The following ZNF114 variants were observed in gnomAD, a reference collection of about 807,000 sequenced individuals.
ZNF114 encodes zinc finger protein 114.
A neutral mutation model predicts 6.8 loss-of-function variants in ZNF114; 8 were observed. That is an observed-to-expected ratio of 1.18 (90% CI 0.69 to 2.13). ZNF114 has a LOEUF of 2.13. ZNF114 is among the 30% of genes most tolerant of loss of function. The probability of loss-of-function intolerance (pLI) is 0.00; values close to 1 mark genes in which losing one functional copy is unlikely to be tolerated. For synonymous variants in ZNF114, 169 were observed against 185.5 expected, an observed-to-expected ratio of 0.91 and a Z score of 0.72; for missense variants, 472 against 519.5, an observed-to-expected ratio of 0.91 and a Z score of 0.89.
intron 3 of ZNF114, 66 bp from the exon 4 acceptor site, chr19:48,279,665 G>A: frequency 9.1e-7 from 1 of 1,097,474 alleles, no homozygotes; most frequent in Non-Finnish European, 1.4e-6. Flanking sequence ...ATGTCAGGCA[G>A]GATCCACATA....
intron 3 of ZNF114, among the ~76,000 whole-genome samples, chr19:48,274,314 A>G (rs920845791): frequency 2.0e-5 from 3 of 151,566 alleles, no homozygotes; most frequent in African/African-American, 2.4e-5. Context: ...TTTCTTCCAA[A>G]TATCATGTAA....
intron 3 of ZNF114, among the ~76,000 whole-genome samples, chr19:48,278,874 C>T (rs552792569): frequency 1.3e-5 from 2 of 151,982 alleles, no homozygotes; most frequent in African/African-American, 4.8e-5. Flanking sequence ...ACCAGGGAGG[C>T]GGAAGCTGCA....
chr19:48,280,365 C>T (rs1456126206), intron 4 of ZNF114, among the ~76,000 whole-genome samples: 1 of 151,948 alleles, frequency 6.6e-6, no homozygotes, highest in Non-Finnish European at 1.5e-5. Context: ...GCCTGGGTGA[C>T]AGAGTAAGAC....
rs200721350 is a variant in ZNF114 at position 48,286,485 on chromosome 19, C to T, written c.861C>T (p.Asn287=). 1.1e-5 allele frequency: 18 copies of T among 1,614,048 alleles called. No individual in the cohort carries two copies. Among genetic ancestry groups the T allele is most frequent in the African/African-American group, 2.7e-5 (2 of 74,938 alleles). Residue 287 remains asparagine (N), a synonymous_variant, in exon 6 of 6, where the codon AAC becomes AAT. Transcript: ENST00000595607. ...KDCQTGATSA[N]APNSGSHKSH... is the part of the protein sequence containing the mutation. ...GTCAAACTGGGGCAACCTCTGCCAA[C>T]GCTCCAAATTCCGGTTCACACAAGA...
In ZNF114 at chr19:48,285,842, G is replaced by A; in HGVS notation, c.218G>A (p.Arg73Lys). ...AAAAGAACATTTCCTGAAGCCAACAGAGTGTGTCTCACGAGCATCAGTTCC... is the reference window on the plus strand; with the variant it reads ...AAAAGAACATTTCCTGAAGCCAACAAAGTGTGTCTCACGAGCATCAGTTCC... ...LPKRTFPEAN[R>K]VCLTSISSQH... Residue 73 changes from arginine to lysine, a missense_variant, in exon 6 of 6, where the codon AGA (arginine) becomes AAA (lysine). Transcript: ENST00000595607. 6.2e-7 allele frequency: 1 copy of A among 1,614,176 alleles called. No homozygotes were observed. The highest frequency in any genetic ancestry group is 8.5e-7 in the Non-Finnish European group (1 of 1,180,034).
At chr19:48,277,083 C>T (rs921664211) in intron 3 of ZNF114, among the ~76,000 whole-genome samples, 1 of 152,138 alleles carries the variant, frequency 6.6e-6, no homozygotes, top group African/African-American at 2.4e-5. Flanking sequence ...ATTGCTTGAA[C>T]CCAGGAGGTG....
rs116661115 is a variant in ZNF114 at position 48,281,413 on chromosome 19, G to A, written c.10-958G>A. Reference sequence around the variant, plus strand: ...TCACTGGCGTCCTTGGCATTCCCTGGCTTGTGGACCCATCACTCCAGTCTC... The same window carrying A: ...TCACTGGCGTCCTTGGCATTCCCTGACTTGTGGACCCATCACTCCAGTCTC... On this transcript the variant is annotated intron_variant, in intron 4 of 5. Coordinates refer to ENST00000595607, the MANE Select transcript of ZNF114 (RefSeq NM_153608.4). 6.6e-3 allele frequency: 998 copies of A among 151,862 alleles called. 17 individuals carry two copies. Among genetic ancestry groups the A allele is most frequent in the African/African-American group, 0.023 (953 of 41,362 alleles). The allele number at this position is 151,862 out of a possible 1,614,324, so 9.4% of individuals were successfully genotyped here.
intron 5 of ZNF114, among the ~76,000 whole-genome samples, chr19:48,283,757 G>C (rs907166303): frequency 6.6e-6 from 1 of 151,438 alleles, no homozygotes; most frequent in Admixed American, 6.6e-5. Flanking sequence ...TTTTGAGACT[G>C]TGTTTCACTC....
At chr19:48,273,468 C>G (rs1310468760) in intron 3 of ZNF114, among the ~76,000 whole-genome samples, 1 of 143,420 alleles carries the variant, frequency 7.0e-6, no homozygotes, top group African/African-American at 2.6e-5. Context: ...GCTGATGTGT[C>G]TGAGGTTACT....
At chr19:48,273,235 C>T (rs1024034025) in intron 3 of ZNF114, among the ~76,000 whole-genome samples, 3 of 152,054 alleles carry the variant, frequency 2.0e-5, no homozygotes, top group African/African-American at 7.2e-5. Flanking sequence ...ACCCCACGGT[C>T]GGAACAAGAT....
intron 3 of ZNF114, among the ~76,000 whole-genome samples, chr19:48,272,616 G>T (rs1967694029): frequency 7.9e-6 from 1 of 126,528 alleles, no homozygotes; most frequent in Non-Finnish European, 1.6e-5. Context: ...GAAGGTTGCA[G>T]TGAGCCGAGA....
chr19:48,286,556 G>T lies in ZNF114; in HGVS notation c.932G>T (p.Arg311Ile). 1 of 1,614,144 alleles carries T rather than the reference G, an allele frequency of 6.2e-7. No homozygotes were observed. The highest frequency in any genetic ancestry group is 8.5e-7 in the Non-Finnish European group (1 of 1,180,038). The stretch of plus-strand genomic sequence containing the variant: ...ACCCATAAATGCCCCGAATGTGGGA[G>T]AGCCTTTTTTTATCAGTCATTCCTT... ...EKTHKCPECG[R>I]AFFYQSFLMR... Residue 311 changes from arginine (R) to isoleucine (I), a missense_variant, in exon 6 of 6, where the codon AGA becomes ATA. Arg to Ile is a moderately conservative substitution (Grantham distance 97, BLOSUM62 -3). Coordinates refer to ENST00000595607, the MANE Select transcript of ZNF114 (RefSeq NM_153608.4).
In ZNF114 at chr19:48,272,820, G is replaced by T. The variant is rs1184738489; in HGVS notation, c.-70+992G>T. 2.8e-5 allele frequency among the ~76,000 whole-genome samples: 4 copies of T among 140,568 alleles called. 1 individual carries two copies. Among genetic ancestry groups the T allele is most frequent in the African/African-American group, 1.1e-4 (4 of 38,088 alleles). 92.2% of individuals were successfully genotyped at this position (140,568 alleles called of 152,430 possible). On this transcript the variant is annotated intron_variant, in intron 3 of 5. Coordinates refer to ENST00000595607, the MANE Select transcript of ZNF114 (RefSeq NM_153608.4). ...TTTTTTTTTTTTTTTTTTTGAGAGG[G>T]AGTCTCGCTCTGTCACCCAGGCTGG...
At chr19:48,279,671 A>C in intron 3 of ZNF114, 60 bp from the exon 4 acceptor site, 1 of 1,169,726 alleles carries the variant, frequency 8.5e-7, no homozygotes, top group Non-Finnish European at 1.3e-6. Context: ...GGCAGGATCC[A>C]CATACGAGTG....
chr19:48,286,960 T>A lies in ZNF114; in HGVS notation c.*82T>A, dbSNP rs985165162. The stretch of plus-strand genomic sequence containing the variant: ...ACATATTGGAAGGGAGCTCAAGGGG[T>A]TAGCATGAGTGAGAACATCTTCCCT... On this transcript the variant is annotated 3_prime_UTR_variant, in exon 6 of 6. Coordinates refer to ENST00000595607, the MANE Select transcript of ZNF114 (RefSeq NM_153608.4). 7.1e-7 allele frequency: 1 copy of A among 1,409,290 alleles called. No individual in the cohort carries two copies. The highest frequency in any genetic ancestry group is 9.5e-7 in the Non-Finnish European group (1 of 1,054,680). 87.3% of individuals were successfully genotyped at this position (1,409,290 alleles called of 1,614,324 possible).
chr19:48,285,631 G>A, intron 5 of ZNF114, 130 bp from the exon 6 acceptor site: 2 of 1,003,516 alleles, frequency 2.0e-6, no homozygotes, highest in Non-Finnish European at 2.9e-6. Context: ...AAGGATGGAA[G>A]GAGCGAGGGA....
intron 3 of ZNF114, among the ~76,000 whole-genome samples, chr19:48,273,017 G>C (rs1967717882): frequency 6.6e-6 from 1 of 152,056 alleles, no homozygotes; most frequent in South Asian, 2.1e-4. Context: ...GGATGGTCTC[G>C]AGCTCCTGAC....
intron 5 of ZNF114, among the ~76,000 whole-genome samples, chr19:48,283,294 G>C (rs1968040285): frequency 6.6e-6 from 1 of 152,184 alleles, no homozygotes; most frequent in South Asian, 2.1e-4. Flanking sequence ...CAGAGTTTTA[G>C]TGCATTGATG....
chr19:48,275,378 A>C (rs957591949), intron 3 of ZNF114, among the ~76,000 whole-genome samples: 1 of 150,340 alleles, frequency 6.7e-6, no homozygotes, highest in African/African-American at 2.5e-5. Flanking sequence ...CAGGAGTTCA[A>C]GACCAGCCTG....
Sources: allele counts gnomAD v4.1 joint callset (sites outside exome capture counted in the v4.1 genomes callset), GRCh38; gene constraint gnomAD v4.1.1; transcripts MANE v1.5; gene names NCBI Gene and HGNC (gene_info 2026-07-23, HGNC 2026-07-21).